The following NUP214 variants were observed in gnomAD, a reference collection of about 807,000 sequenced individuals.
The protein encoded by NUP214 is nuclear pore complex protein Nup214.
NUP214 carries 79 observed loss-of-function variants against 196.2 expected under a neutral mutation model. The observed-to-expected ratio is 0.40, with a 90% CI of 0.34 to 0.49. NUP214 has a LOEUF of 0.49. Ranked by LOEUF, NUP214 falls within the 20% of genes least tolerant of loss-of-function variation. The pLI is 0.58. For synonymous variants in NUP214, 1,020 were observed against 990.5 expected, an observed-to-expected ratio of 1.03 and a Z score of -0.56; for missense variants, 2,468 against 2,539.0, an observed-to-expected ratio of 0.97 and a Z score of 0.60.
intron 31 of NUP214, among the ~76,000 whole-genome samples, chr9:131,217,476 C>A (rs1321394958): frequency 1.3e-5 from 2 of 152,224 alleles, no homozygotes; most frequent in South Asian, 4.1e-4. Flanking sequence ...CCAAAACACA[C>A]AGCTGGCTGG....
chr9:131,181,100 T>C (rs761865577), intron 24 of NUP214, among the ~76,000 whole-genome samples: 12 of 152,110 alleles, frequency 7.9e-5, no homozygotes, highest in Non-Finnish European at 1.0e-4. Flanking sequence ...TAATTTTAAA[T>C]AGGGTGGCCA....
intron 30 of NUP214, among the ~76,000 whole-genome samples, chr9:131,214,478 T>C (rs140246530): frequency 1.3e-5 from 2 of 152,334 alleles, no homozygotes; most frequent in East Asian, 1.9e-4. Flanking sequence ...AAGTCCATCT[T>C]ATTCTGCATT....
At chr9:131,130,137 G>GTTTTTTTTTTTGGT (rs1554728065) in intron 4 of NUP214, among the ~76,000 whole-genome samples, 1 of 76,894 alleles carries the variant, frequency 1.3e-5, no homozygotes, top group Non-Finnish European at 2.3e-5. Context: ...TTCTGGTTTT[G>GTTTTTTTTTTTGGT]TTTTTTTTTT....
Position 131,140,584 on chromosome 9 carries a change from A to C in NUP214, c.1168A>C (p.Met390Leu). ...EKTLPPAPVL[M>L]LLSTDGVLCP... ...GACTCTTCCTCCTGCTCCAGTTCTC[A>C]TGTTACTTTCAACAGATGGTGTGCT... Residue 390 changes from methionine to leucine, a missense_variant, in exon 11 of 36, where the codon ATG (methionine) becomes CTG (leucine). Transcript: ENST00000359428. The C allele has an allele frequency of 6.2e-7, 1 of 1,613,574 alleles. No individual in the cohort carries two copies. Among genetic ancestry groups the C allele is most frequent in the Non-Finnish European group, 8.5e-7 (1 of 1,179,820 alleles).
chr9:131,196,659 A>G (rs553051918), intron 28 of NUP214, among the ~76,000 whole-genome samples: 1 of 152,338 alleles, frequency 6.6e-6, no homozygotes, highest in African/African-American at 2.4e-5. Flanking sequence ...CAGAGTGCAT[A>G]GCTCCAGAGC....
chr9:131,184,032 T>TC (rs1056554052), intron 24 of NUP214, among the ~76,000 whole-genome samples: 1 of 138,282 alleles, frequency 7.2e-6, no homozygotes, highest in African/African-American at 2.7e-5. Flanking sequence ...TTTTCTTTTT[T>TC]TTTTTTTTTT....
chr9:131,164,213 G>A (rs920465167), intron 21 of NUP214, 69 bp downstream of exon 21: 238 of 1,355,314 alleles, frequency 1.8e-4, no homozygotes, highest in Non-Finnish European at 1.3e-4. Flanking sequence ...GTGTGCGCGC[G>A]CACATGCACG....
At position 131,136,018 on chromosome 9, in the gene NUP214, T is replaced by C; in HGVS notation, c.1005+12T>C. On this transcript the variant is annotated intron_variant, in intron 9 of 35. Coordinates refer to ENST00000359428, the MANE Select transcript of NUP214 (RefSeq NM_005085.4). ...GACAAAGTGATCAGGTAAATCTCTTTTTTGTCACTTCTGTGGTGCTTTCTT... is the reference window on the plus strand; with the variant it reads ...GACAAAGTGATCAGGTAAATCTCTTCTTTGTCACTTCTGTGGTGCTTTCTT... The C allele has an allele frequency of 6.2e-7, 1 of 1,602,864 alleles. No individual in the cohort carries two copies.
At position 131,151,727 on chromosome 9, in the gene NUP214, T is replaced by C. The variant is rs771253162; in HGVS notation, c.2278-9T>C. 3 of 1,597,632 alleles carry C rather than the reference T, an allele frequency of 1.9e-6. No homozygotes were observed. The Admixed American group carries it at 5.4e-5, about 29-fold the overall frequency. ...TTTTTGTACCAACACATTATTGTACTTTTTCTAGTCGCTTCATGGAGATAT... is the reference window on the plus strand; with the variant it reads ...TTTTTGTACCAACACATTATTGTACCTTTTCTAGTCGCTTCATGGAGATAT... On this transcript the variant is annotated splice_polypyrimidine_tract_variant and intron_variant, in intron 16 of 35. Transcript: ENST00000359428.
chr9:131,186,554 C>T (rs888193162), intron 24 of NUP214, among the ~76,000 whole-genome samples: 2 of 152,186 alleles, frequency 1.3e-5, no homozygotes, highest in African/African-American at 2.4e-5. Context: ...TAGCGCTGGG[C>T]TGACAACAGA....
rs540999616 is a variant in NUP214, at chr9:131,223,966, C to T, written c.5902+1036C>T. ...AGCCAGGATGGTCTCAATCTCCTGA[C>T]CTCGTGATCCGCCCGCCTCGGCCTC... On this transcript the variant is annotated intron_variant, in intron 32 of 35. Transcript: ENST00000359428. Among the ~76,000 whole-genome samples, 1,113 of 150,660 alleles carry T rather than the reference C, an allele frequency of 7.4e-3. 13 individuals are homozygous for T. Among genetic ancestry groups the T allele is most frequent in the African/African-American group, 0.025 (1,036 of 41,162 alleles).
chr9:131,217,937 T>C (rs1264895796), intron 31 of NUP214, among the ~76,000 whole-genome samples: 2 of 152,188 alleles, frequency 1.3e-5, no homozygotes, highest in Non-Finnish European at 2.9e-5. Flanking sequence ...TCGTTTGGGG[T>C]AACCTGAAAT....
At chr9:131,126,266 A>G (rs1831345984) in intron 1 of NUP214, 1 of 156,634 alleles carries the variant, frequency 6.4e-6, no homozygotes, top group African/African-American at 2.4e-5. Context: ...TGATTGGACT[A>G]GGAAGACTAT....
At chr9:131,205,036 CT>C (rs1367553447) in intron 30 of NUP214, among the ~76,000 whole-genome samples, 1 of 152,126 alleles carries the variant, frequency 6.6e-6, no homozygotes, top group Admixed American at 6.5e-5. Flanking sequence ...GAAATCAAGA[CT>C]TTTTTTCAGA....
chr9:131,196,028 C>G (rs12341203), intron 28 of NUP214, among the ~76,000 whole-genome samples: 285 of 17,168 alleles, frequency 0.017, 26 homozygotes, highest in Non-Finnish European at 0.033. Flanking sequence ...CTGTGTGTCC[C>G]CCCCCCCCCC....
intron 26 of NUP214, chr9:131,190,347 C>T (rs1471705260): frequency 1.6e-6 from 1 of 611,922 alleles, no homozygotes; most frequent in East Asian, 3.0e-5. Flanking sequence ...TCAAAGAAAC[C>T]TAAGGAACTT....
At chr9:131,219,561 CTT>C (rs1564217532) in intron 31 of NUP214, among the ~76,000 whole-genome samples, 1 of 152,208 alleles carries the variant, frequency 6.6e-6, no homozygotes, top group Non-Finnish European at 1.5e-5. Flanking sequence ...AGAAGGGCTT[CTT>C]CTCTCTGTCA....
At chr9:131,196,405 C>T (rs932571210) in intron 28 of NUP214, among the ~76,000 whole-genome samples, 6 of 152,178 alleles carry the variant, frequency 3.9e-5, no homozygotes, top group Admixed American at 3.3e-4. Flanking sequence ...TCGTGATCCA[C>T]GTGCCTTGGC....
At chr9:131,147,746 T>A (rs559315407) in intron 14 of NUP214, among the ~76,000 whole-genome samples, 162 bp downstream of exon 14, 98 of 152,276 alleles carry the variant, frequency 6.4e-4, no homozygotes, top group Non-Finnish European at 1.2e-3. Context: ...AATACTTGTA[T>A]ACTCGTAAAA....
Sources: gnomAD v4.1 joint callset for allele counts (sites outside exome capture counted in the v4.1 genomes callset) on GRCh38, gnomAD v4.1.1 for gene constraint, MANE v1.5 for transcripts, NCBI Gene and HGNC (gene_info 2026-07-23, HGNC 2026-07-21) for gene names.